ZNF778: variants seen among roughly 807,000 people sequenced by gnomAD.
ZNF778 encodes zinc finger protein 778.
Under a neutral mutation model 23.9 loss-of-function variants are expected in ZNF778, and 37 were observed. The observed-to-expected ratio is 1.54, with a 90% confidence interval of 1.19 to 2.03. The LOEUF is 2.03. Among genes scored for constraint, ZNF778 ranks in the 30% most tolerant of loss-of-function variants. The pLI is 0.00. For missense variants in ZNF778, 1,297 were observed against 934.4 expected (o/e 1.39, Z -5.06); for synonymous variants, 483 against 343.9 (o/e 1.40, Z -4.48).
At chr16:89,223,665 T>G (rs972022538) in intron 4 of ZNF778, among the ~76,000 whole-genome samples, 1 of 152,218 alleles carries the variant, frequency 6.6e-6, no homozygotes, top group Non-Finnish European at 1.5e-5. Context: ...TATTTCCTAT[T>G]TGAGTAAGAG....
chr16:89,217,927 T>TA lies in ZNF778; in HGVS notation c.-132+17_-132+18insA, dbSNP rs898821484. 69 of 152,406 alleles carry TA rather than the reference T, an allele frequency of 4.5e-4. No homozygotes were observed. Among genetic ancestry groups the TA allele is most frequent in the African/African-American group, 1.4e-3 (59 of 41,592 alleles). 9.4% of individuals were successfully genotyped at this position (152,406 alleles called of 1,614,324 possible). ...GCGGAGCTGGTGAGAGAGGGGCCCT[T>TA]TGCTTCCTTCACTTTGAACAGGGCG... On this transcript the variant is annotated intron_variant, in intron 1 of 6. Transcript: ENST00000433976.
At chr16:89,225,658 A>T (rs763284667) in intron 6 of ZNF778, 27 bp downstream of exon 6, 70 of 1,577,706 alleles carry the variant, frequency 4.4e-5, no homozygotes, top group Non-Finnish European at 5.8e-5. Context: ...AGATTTTTTT[A>T]TTTATCACAC....
At position 89,232,589 on chromosome 16, in the gene ZNF778, T is replaced by G; in HGVS notation, c.*4027T>G. 1 of 1,184,608 alleles carries G rather than the reference T, an allele frequency of 8.4e-7. No homozygotes were observed. The highest frequency in any genetic ancestry group is 1.1e-6 in the Non-Finnish European group (1 of 937,784). The allele number at this position is 1,184,608 out of a possible 1,614,324, so 73.4% of individuals were successfully genotyped here. The stretch of plus-strand genomic sequence containing the variant: ...TGTGAAAATCTCCACTCCCAATGTC[T>G]GAGGGTTCCTCAGAGTAAGATAAAA... On this transcript the variant is annotated 3_prime_UTR_variant, in exon 7 of 7. Transcript: ENST00000433976.
intron 1 of ZNF778, chr16:89,218,197 C>A (rs2030544747): frequency 6.6e-6 from 1 of 152,204 alleles, no homozygotes; most frequent in Admixed American, 6.5e-5. Flanking sequence ...CCACGGTGAA[C>A]AGTGTGTTTC....
rs181081770 is a variant in ZNF778, at chr16:89,227,838, G to A, written c.1550G>A (p.Arg517His). ...CAGTGTGGCAAAGCCTTCACAGGGC[G>A]CTCAGGCCTCACTAAACACATGCGG... ...CKQCGKAFTG[R>H]SGLTKHMRTH... The change falls in exon 7 of 7, where the codon CGC (arginine) becomes CAC (histidine). Residue 517 changes from arginine (R) to histidine (H), a missense_variant. By Grantham distance (29) the Arg-to-His change is conservative. Coordinates refer to ENST00000433976, the MANE Select transcript of ZNF778 (RefSeq NM_001201407.2). The A allele has an allele frequency of 4.8e-5, 77 of 1,613,806 alleles. No individual in the cohort carries two copies. In the African/African-American group the frequency reaches 6.9e-4, roughly 15 times the overall value.
chr16:89,225,830 T>G (rs1042433813), intron 6 of ZNF778, among the ~76,000 whole-genome samples, 199 bp downstream of exon 6: 2 of 152,144 alleles, frequency 1.3e-5, no homozygotes, highest in Admixed American at 6.5e-5. Flanking sequence ...CAGACACACA[T>G]CAGCGCACAC....
chr16:89,229,916 G>A lies in ZNF778; in HGVS notation c.*1354G>A. 1 of 982,498 alleles carries A rather than the reference G, an allele frequency of 1.0e-6. No individual in the cohort carries two copies. The highest frequency in any genetic ancestry group is 1.2e-6 in the Non-Finnish European group (1 of 827,860). 60.9% of individuals were successfully genotyped at this position (982,498 alleles called of 1,614,324 possible). A position where few individuals can be genotyped will look rare whatever the true frequency, so the allele number is the denominator to read the frequency against. On this transcript the variant is annotated 3_prime_UTR_variant, in exon 7 of 7. Transcript: ENST00000433976. ...GAGCAGCGTAGGCTCTGGTTGGTTA[G>A]TGTTGAGGATCCAGATGTGATTCTG...
chr16:89,226,677 T>C lies in ZNF778; in HGVS notation c.406-17T>C, dbSNP rs1380816093. 3.8e-6 allele frequency: 6 copies of C among 1,597,842 alleles called. No homozygotes were observed. The South Asian group carries it at 6.7e-5, about 18-fold the overall frequency. Reference sequence around the variant, plus strand: ...GCCTCAGTAACCCCCTGACCACCACTCATTCTTCACCAACAGGCAAGAAGC... The same window carrying C: ...GCCTCAGTAACCCCCTGACCACCACCCATTCTTCACCAACAGGCAAGAAGC... On this transcript the variant is annotated splice_polypyrimidine_tract_variant and intron_variant, in intron 6 of 6. Coordinates refer to ENST00000433976, the MANE Select transcript of ZNF778 (RefSeq NM_001201407.2).
At chr16:89,223,916 A>C in intron 4 of ZNF778, among the ~76,000 whole-genome samples, 1 of 151,950 alleles carries the variant, frequency 6.6e-6, no homozygotes, top group Non-Finnish European at 1.5e-5. Flanking sequence ...GCGGTGGCTC[A>C]TGCCTGTAAT....
In ZNF778 at chr16:89,226,909, C is replaced by T. The variant is rs755522644; in HGVS notation, c.621C>T (p.Phe207=). Reference sequence around the variant, plus strand: ...TGTTGGGTCAGTGTGGAAAAGCCTTCAGCTCTACTCCAAATGTTGTTTCCC... The same window carrying T: ...TGTTGGGTCAGTGTGGAAAAGCCTTTAGCTCTACTCCAAATGTTGTTTCCC... The part of the protein sequence containing the change: ...FSVLGQCGKA[F]SSTPNVVSQQ... Residue 207 remains phenylalanine, a synonymous_variant, in exon 7 of 7, where the codon TTC becomes TTT. Transcript: ENST00000433976. 8 of 1,614,044 alleles carry T rather than the reference C, an allele frequency of 5.0e-6. 2 individuals carry two copies. The Admixed American group carries it at 1.3e-4, about 27-fold the overall frequency.
Position 89,233,949 on chromosome 16 carries a change from G to A in ZNF778, c.*5387G>A. 1.6e-6 allele frequency: 2 copies of A among 1,283,216 alleles called. No individual in the cohort carries two copies. Among genetic ancestry groups the A allele is most frequent in the Non-Finnish European group, 2.0e-6 (2 of 983,246 alleles). 79.5% of individuals were successfully genotyped at this position (1,283,216 alleles called of 1,614,324 possible). A position where few individuals can be genotyped will look rare whatever the true frequency, so the allele number is the denominator to read the frequency against. ...GGACATGCTGTATGCCCTTGGGCCT[G>A]CTGGAAGTATGCAGACTAGCCAGCC... On this transcript the variant is annotated 3_prime_UTR_variant, in exon 7 of 7. Transcript: ENST00000433976.
Position 89,232,900 on chromosome 16 carries a change from ATGCAACTCAACTCGCACTGCG to A in ZNF778, c.*4340_*4360del, listed in dbSNP as rs2151640845. Reference sequence around the variant, plus strand: ...GTATGCAACTCAACTCGCACTGCGTATGCAACTCAACTCGCACTGCGTATGCGAATCCACTCACTGCCTATG... The same window carrying A: ...GTATGCAACTCAACTCGCACTGCGTATATGCGAATCCACTCACTGCCTATG... On this transcript the variant is annotated 3_prime_UTR_variant, in exon 7 of 7. Coordinates refer to ENST00000433976, the MANE Select transcript of ZNF778 (RefSeq NM_001201407.2). 7.8e-7 allele frequency: 1 copy of A among 1,280,424 alleles called. No individual in the cohort carries two copies. The highest frequency in any genetic ancestry group is 1.3e-5 in the South Asian group (1 of 78,704). The allele number at this position is 1,280,424 out of a possible 1,614,324, so 79.3% of individuals were successfully genotyped here.
rs571911237 is a variant in ZNF778 at position 89,227,567 on chromosome 16, G to A, written c.1279G>A (p.Gly427Arg). ...AAAACCCTATACATGCAGCTACTGT[G>A]GGAAGGCCTTCACTGTGCGCTGTGG... The part of the protein sequence containing the change: ...GIKPYTCSYC[G>R]KAFTVRCGLT... Residue 427 changes from glycine (G) to arginine (R), a missense_variant, in exon 7 of 7, where the codon GGG becomes AGG. Coordinates refer to ENST00000433976, the MANE Select transcript of ZNF778 (RefSeq NM_001201407.2). The A allele has an allele frequency of 1.2e-6, 2 of 1,614,168 alleles. No individual in the cohort carries two copies. The highest frequency in any genetic ancestry group is 2.2e-5 in the East Asian group (1 of 44,876).
In ZNF778 at chr16:89,233,936, T is replaced by C. The variant is rs566793419; in HGVS notation, c.*5374T>C. 8.1e-5 allele frequency: 104 copies of C among 1,287,508 alleles called. No individual in the cohort carries two copies. In the African/African-American group the frequency reaches 1.4e-3, roughly 18 times the overall value. The allele number at this position is 1,287,508 out of a possible 1,614,324, so 79.8% of individuals were successfully genotyped here. ...GCACTAGACAGCAGGACATGCTGTA[T>C]GCCCTTGGGCCTGCTGGAAGTATGC... On this transcript the variant is annotated 3_prime_UTR_variant, in exon 7 of 7. Coordinates refer to ENST00000433976, the MANE Select transcript of ZNF778 (RefSeq NM_001201407.2).
At chr16:89,219,557 G>C (rs1282928950) in intron 1 of ZNF778, among the ~76,000 whole-genome samples, 1 of 152,214 alleles carries the variant, frequency 6.6e-6, no homozygotes, top group Non-Finnish European at 1.5e-5. Context: ...CAGCTGCATA[G>C]ATGACCGTTT....
chr16:89,224,898 G>GT, intron 5 of ZNF778, 96 bp downstream of exon 5: 2 of 934,088 alleles, frequency 2.1e-6, no homozygotes, highest in South Asian at 2.8e-5. Flanking sequence ...ATTGTGTCAA[G>GT]TTAAGCGGCT....
intron 6 of ZNF778, 52 bp downstream of exon 6, chr16:89,225,683 G>A: frequency 1.3e-6 from 2 of 1,498,902 alleles, no homozygotes; most frequent in Non-Finnish European, 9.2e-7. Flanking sequence ...AAAAGATTGG[G>A]AATTCCACTA....
rs1164423472 is a variant in ZNF778 at position 89,227,994 on chromosome 16, C to A, written c.1706C>A (p.Ser569Tyr). 6.3e-7 allele frequency: 1 copy of A among 1,589,096 alleles called. No individual in the cohort carries two copies. The highest frequency in any genetic ancestry group is 8.6e-7 in the Non-Finnish European group (1 of 1,164,690). Residue 569 changes from serine to tyrosine, a missense_variant, in exon 7 of 7, where the codon TCC (serine) becomes TAC (tyrosine). Physicochemically the swap from Ser to Tyr is moderately radical, Grantham distance 144. Coordinates refer to ENST00000433976, the MANE Select transcript of ZNF778 (RefSeq NM_001201407.2). ...TTTATATGTACGGTATGCAGGAAAT[C>A]CTTCAGAAATTCCTCGTGCCTGAAT... ...KPFICTVCRK[S>Y]FRNSSCLNKH...
At chr16:89,223,040 T>G in intron 3 of ZNF778, 117 bp from the exon 4 acceptor site, 1 of 1,257,554 alleles carries the variant, frequency 8.0e-7, no homozygotes, top group Non-Finnish European at 1.1e-6. Flanking sequence ...CACTGGGCCA[T>G]GGGGTAGACA....
Sources: gnomAD v4.1 joint callset for allele counts (sites outside exome capture counted in the v4.1 genomes callset) on GRCh38, gnomAD v4.1.1 for gene constraint, MANE v1.5 for transcripts, NCBI Gene and HGNC (gene_info 2026-07-23, HGNC 2026-07-21) for gene names.